Variants in KCNMB4 observed in about 807,000 individuals in gnomAD.
KCNMB4 encodes calcium-activated potassium channel subunit beta-4.
KCNMB4 carries 3 observed loss-of-function variants against 20.7 expected under a neutral mutation model. The ratio of observed to expected loss-of-function variants is 0.14; its 90% CI spans 0.07 to 0.37. The LOEUF (loss-of-function observed/expected upper bound fraction) is 0.37. Ranked by LOEUF, KCNMB4 falls within the 10% of genes least tolerant of loss-of-function variation. The pLI is 1.00. For synonymous variants in KCNMB4, 110 were observed against 113.4 expected, an observed-to-expected ratio of 0.97 and a Z score of 0.19; for missense variants, 168 against 265.9, an observed-to-expected ratio of 0.63 and a Z score of 2.56.
At chr12:70,402,019 A>G (rs1316278027) in intron 2 of KCNMB4, among the ~76,000 whole-genome samples, 1 of 152,140 alleles carries the variant, frequency 6.6e-6, no homozygotes, top group African/African-American at 2.4e-5. Flanking sequence ...CATTTAATCT[A>G]CCACAGGATA....
At chr12:70,395,805 T>G (rs1868346119) in intron 1 of KCNMB4, among the ~76,000 whole-genome samples, 1 of 152,226 alleles carries the variant, frequency 6.6e-6, no homozygotes, top group African/African-American at 2.4e-5. Flanking sequence ...GTGAAGGTTA[T>G]TTGTGCAATA....
intron 1 of KCNMB4, among the ~76,000 whole-genome samples, chr12:70,373,013 G>A (rs1302990361): frequency 6.6e-5 from 10 of 152,152 alleles, no homozygotes; most frequent in Admixed American, 5.2e-4. Context: ...GGTGTGTTGG[G>A]GGATCTGGAT....
chr12:70,428,066 T>A (rs2136144678), intron 2 of KCNMB4, among the ~76,000 whole-genome samples: 1 of 152,260 alleles, frequency 6.6e-6, no homozygotes, highest in African/African-American at 2.4e-5. Context: ...TCACCCAAGC[T>A]GGAGTGCAGC....
At chr12:70,390,161 A>G (rs1868288342) in intron 1 of KCNMB4, among the ~76,000 whole-genome samples, 1 of 152,318 alleles carries the variant, frequency 6.6e-6, no homozygotes, top group African/African-American at 2.4e-5. Context: ...GGCACACTGC[A>G]GAGTATTCCT....
intron 1 of KCNMB4, among the ~76,000 whole-genome samples, chr12:70,381,577 A>G (rs1157906484): frequency 6.6e-6 from 1 of 152,258 alleles, no homozygotes; most frequent in East Asian, 1.9e-4. Flanking sequence ...TACAATATGG[A>G]TGAACTTCAA....
intron 1 of KCNMB4, among the ~76,000 whole-genome samples, chr12:70,376,836 C>T (rs1883695740): frequency 1.3e-5 from 2 of 149,846 alleles, no homozygotes; most frequent in South Asian, 4.2e-4. Context: ...CATGCCACTG[C>T]ACTCCAGCCT....
intron 1 of KCNMB4, among the ~76,000 whole-genome samples, chr12:70,392,907 A>G (rs1231780743): frequency 6.6e-6 from 1 of 152,118 alleles, no homozygotes; most frequent in African/African-American, 2.4e-5. Context: ...GGTGCAGCAA[A>G]CCACCATGGC....
At chr12:70,372,233 A>C (rs993992501) in intron 1 of KCNMB4, among the ~76,000 whole-genome samples, 1 of 152,220 alleles carries the variant, frequency 6.6e-6, no homozygotes, top group Non-Finnish European at 1.5e-5. Context: ...TTAGGGTCCT[A>C]AAGAACACGA....
rs1405838333 is a variant in KCNMB4 at position 70,432,197 on chromosome 12, T to C, written c.*1544T>C. The C allele has an allele frequency of 6.6e-6, 1 of 151,668 alleles. No individual in the cohort carries two copies. Among genetic ancestry groups the C allele is most frequent in the Non-Finnish European group, 1.5e-5 (1 of 68,046 alleles). 9.4% of individuals were successfully genotyped at this position (151,668 alleles called of 1,614,324 possible). ...GGCACGCACCACCACGCCTGGCTAA[T>C]TTTTTTGTATTTTTAGTAGAGACGG... is the stretch of plus-strand genomic sequence containing the variant. On this transcript the variant is annotated 3_prime_UTR_variant, in exon 3 of 3. Transcript: ENST00000258111.
intron 1 of KCNMB4, among the ~76,000 whole-genome samples, chr12:70,382,381 G>C (rs527406125): frequency 1.4e-5 from 2 of 147,562 alleles, no homozygotes; most frequent in Non-Finnish European, 3.0e-5. Flanking sequence ...TGCAGTGAGC[G>C]GAGATCGCGC....
intron 1 of KCNMB4, among the ~76,000 whole-genome samples, chr12:70,379,785 A>AGCT (rs896382123): frequency 6.6e-6 from 1 of 152,196 alleles, no homozygotes; most frequent in African/African-American, 2.4e-5. Context: ...TAGCTTCTGT[A>AGCT]GCTTCCTCAC....
At chr12:70,422,729 A>G (rs770396836) in intron 2 of KCNMB4, 1 of 1,289,030 alleles carries the variant, frequency 7.8e-7, no homozygotes, top group Non-Finnish European at 1.0e-6. Context: ...ACCCCTCTTT[A>G]TTTCTGAGAA....
intron 2 of KCNMB4, among the ~76,000 whole-genome samples, chr12:70,425,263 C>T (rs1203081714): frequency 6.6e-6 from 1 of 151,752 alleles, no homozygotes; most frequent in Non-Finnish European, 1.5e-5. Flanking sequence ...AGTGAAACCC[C>T]GTCTCTACTA....
Position 70,366,887 on chromosome 12 carries a change from G to A in KCNMB4, c.153G>A (p.Glu51=), listed in dbSNP as rs765553568. 1 of 1,613,640 alleles carries A rather than the reference G, an allele frequency of 6.2e-7. No individual in the cohort carries two copies. Among genetic ancestry groups the A allele is most frequent in the Middle Eastern group, 1.6e-4 (1 of 6,062 alleles). ...SPALQDLQAT[E]ANCTVLSVQQ... ...CGCTGCAGGATCTGCAAGCCACGGA[G>A]GCCAATTGCACGGTGCTGTCGGTGC... The change falls in exon 1 of 3, where the codon GAG becomes GAA. Residue 51 remains glutamate (E), a synonymous_variant. Transcript: ENST00000258111.
chr12:70,373,077 C>T (rs779605567), intron 1 of KCNMB4, among the ~76,000 whole-genome samples: 1 of 151,998 alleles, frequency 6.6e-6, no homozygotes, highest in Non-Finnish European at 1.5e-5. Flanking sequence ...GGGGGTAAGG[C>T]TGGAGAGTAA....
At chr12:70,427,010 A>C (rs1031334457) in intron 2 of KCNMB4, among the ~76,000 whole-genome samples, 1 of 152,144 alleles carries the variant, frequency 6.6e-6, no homozygotes, top group African/African-American at 2.4e-5. Flanking sequence ...AAGTCCCTAG[A>C]TATAGAGTAA....
At chr12:70,388,876 C>T (rs1293432409) in intron 1 of KCNMB4, among the ~76,000 whole-genome samples, 1 of 151,998 alleles carries the variant, frequency 6.6e-6, no homozygotes, top group Non-Finnish European at 1.5e-5. Flanking sequence ...AATCAAATTG[C>T]ACTGTACTTT....
chr12:70,377,094 C>G (rs1883700712), intron 1 of KCNMB4, among the ~76,000 whole-genome samples: 1 of 152,104 alleles, frequency 6.6e-6, no homozygotes, highest in African/African-American at 2.4e-5. Context: ...TCAGGTTGAT[C>G]TACAGATTCA....
At chr12:70,389,653 C>A (rs1565858143) in intron 1 of KCNMB4, among the ~76,000 whole-genome samples, 1 of 152,114 alleles carries the variant, frequency 6.6e-6, no homozygotes. Flanking sequence ...AAGATCACAC[C>A]ACTGCACTTT....
Sources: allele counts gnomAD v4.1 joint callset (sites outside exome capture counted in the v4.1 genomes callset), GRCh38; gene constraint gnomAD v4.1.1; transcripts MANE v1.5; gene names NCBI Gene and HGNC (gene_info 2026-07-23, HGNC 2026-07-21).